Variants in CLUAP1 observed in about 807,000 individuals in gnomAD.
The protein encoded by CLUAP1 is clusterin-associated protein 1.
In CLUAP1, 50 loss-of-function variants were observed where a neutral mutation model predicts 55.0. The observed-to-expected ratio is 0.91, with a 90% confidence interval of 0.72 to 1.15. The LOEUF (loss-of-function observed/expected upper bound fraction) is 1.15. Among genes scored for constraint, CLUAP1 ranks in the 50% most tolerant of loss-of-function variants. The pLI is 0.00. For synonymous variants in CLUAP1, 195 were observed against 175.4 expected, an observed-to-expected ratio of 1.11 and a Z score of -0.88; for missense variants, 530 against 507.6, an observed-to-expected ratio of 1.04 and a Z score of -0.42.
upstream of CLUAP1, among the ~76,000 whole-genome samples, chr16:3,498,549 C>G (rs1051544629): frequency 6.6e-6 from 1 of 152,128 alleles, no homozygotes; most frequent in South Asian, 2.1e-4. Flanking sequence ...TGGCTCACAC[C>G]TGTAATCCCA....
At chr16:3,501,547 C>A (rs975289413) in intron 1 of CLUAP1, among the ~76,000 whole-genome samples, 1 of 152,154 alleles carries the variant, frequency 6.6e-6, no homozygotes, top group African/African-American at 2.4e-5. Context: ...CTTTGGGAGG[C>A]CGAGGCGGGC....
chr16:3,497,886 G>A (rs908041733), upstream of CLUAP1, among the ~76,000 whole-genome samples: 1 of 151,954 alleles, frequency 6.6e-6, no homozygotes, highest in Non-Finnish European at 1.5e-5. Context: ...TGAACTCCTG[G>A]GCTCAAGTGA....
chr16:3,501,358 T>A (rs1029515594), intron 1 of CLUAP1, among the ~76,000 whole-genome samples: 1 of 152,244 alleles, frequency 6.6e-6, no homozygotes, highest in Non-Finnish European at 1.5e-5. Context: ...CTAGTGCAGA[T>A]GAATAACTGA....
chr16:3,533,343 T>G, intron 11 of CLUAP1: 1 of 584,404 alleles, frequency 1.7e-6, no homozygotes, highest in South Asian at 2.1e-5. Context: ...GCACGGAGCC[T>G]GGAGGCGGGG....
At position 3,501,058 on chromosome 16, in the gene CLUAP1, C is replaced by T. The variant is rs749512422; in HGVS notation, c.-10C>T. 8.8e-6 allele frequency: 14 copies of T among 1,599,718 alleles called. No homozygotes were observed. Among genetic ancestry groups the T allele is most frequent in the African/African-American group, 4.0e-5 (3 of 74,732 alleles). ...AGTTGCGACCCTGGGCTCCTGGGGA[C>T]CTGAGCGTTATGTCTTTCCGCGACC... On this transcript the variant is annotated 5_prime_UTR_variant, in exon 1 of 12. Coordinates refer to ENST00000576634, the MANE Select transcript of CLUAP1 (RefSeq NM_015041.3).
intron 10 of CLUAP1, 133 bp downstream of exon 10, chr16:3,530,808 T>C: frequency 1.6e-6 from 1 of 644,016 alleles, no homozygotes; most frequent in Admixed American, 2.7e-5. Flanking sequence ...CAGCTCTTGC[T>C]CAGGTTTATC....
chr16:3,527,046 C>T (rs1253933605), intron 9 of CLUAP1, among the ~76,000 whole-genome samples: 1 of 152,144 alleles, frequency 6.6e-6, no homozygotes. Flanking sequence ...AGGGTTACGT[C>T]CATGCAAAGC....
At chr16:3,499,079 A>T (rs1285428138), upstream of CLUAP1, among the ~76,000 whole-genome samples, 1 of 152,290 alleles carries the variant, frequency 6.6e-6, no homozygotes, top group East Asian at 1.9e-4. Flanking sequence ...AAATATACAA[A>T]TGGTCATCAA....
intron 4 of CLUAP1, among the ~76,000 whole-genome samples, chr16:3,510,593 G>T (rs534974066): frequency 6.4e-4 from 97 of 152,348 alleles, no homozygotes; most frequent in African/African-American, 2.2e-3. Flanking sequence ...GGCAGAGCTT[G>T]CAGAGCTCAT....
At chr16:3,510,298 ATTT>A (rs562528367) in intron 4 of CLUAP1, among the ~76,000 whole-genome samples, 4 of 129,612 alleles carry the variant, frequency 3.1e-5, no homozygotes, top group Non-Finnish European at 1.7e-5. Context: ...CCGGCTTTGT[ATTT>A]TTTTTTTTTT....
intron 8 of CLUAP1, among the ~76,000 whole-genome samples, chr16:3,525,273 GTAT>G (rs998502148): frequency 6.6e-6 from 1 of 152,120 alleles, no homozygotes; most frequent in Non-Finnish European, 1.5e-5. Flanking sequence ...CCATTTTTTT[GTAT>G]TATCTGGGGC....
rs752182629 is a variant in CLUAP1 at position 3,536,218 on chromosome 16, A to G, written c.1189A>G (p.Asn397Asp). The G allele has an allele frequency of 1.2e-6, 2 of 1,614,168 alleles. No individual in the cohort carries two copies. The highest frequency in any genetic ancestry group is 4.5e-5 in the East Asian group (2 of 44,884). The change falls in exon 12 of 12, where the codon AAT (asparagine) becomes GAT (aspartate). Residue 397 changes from asparagine to aspartate, a missense_variant. By Grantham distance (23) the Asn-to-Asp change is conservative. Transcript: ENST00000576634. ...CATTTCTCTCTCACCAACCAAGCCCAATCGAAGGGTCCGGAAATCTGAACC... is the reference window on the plus strand; with the variant it reads ...CATTTCTCTCTCACCAACCAAGCCCGATCGAAGGGTCCGGAAATCTGAACC... The part of the protein sequence containing the change: ...ESISLSPTKP[N>D]RRVRKSEPLD...
At chr16:3,518,709 G>T (rs1317272060) in intron 6 of CLUAP1, among the ~76,000 whole-genome samples, 5 of 152,202 alleles carry the variant, frequency 3.3e-5, no homozygotes, top group Non-Finnish European at 5.9e-5. Context: ...TCGATGATAA[G>T]GGTCTGATTA....
intron 11 of CLUAP1, chr16:3,533,238 A>T (rs1273135459): frequency 5.5e-6 from 6 of 1,082,812 alleles, no homozygotes; most frequent in Non-Finnish European, 8.1e-6. Flanking sequence ...CCTAGGAGTG[A>T]TGCTTCCTCT....
upstream of CLUAP1, among the ~76,000 whole-genome samples, chr16:3,499,678 C>G (rs2151035830): frequency 6.6e-6 from 1 of 152,350 alleles, no homozygotes; most frequent in Middle Eastern, 3.4e-3. Flanking sequence ...GGATACACGT[C>G]TCTTTATCAG....
chr16:3,527,693 T>C (rs1356367676), intron 9 of CLUAP1, among the ~76,000 whole-genome samples: 1 of 152,146 alleles, frequency 6.6e-6, no homozygotes, highest in African/African-American at 2.4e-5. Context: ...TCTGCCTTCA[T>C]GTTCTGTCCT....
At chr16:3,505,510 G>T (rs552617988) in intron 2 of CLUAP1, among the ~76,000 whole-genome samples, 1 of 145,060 alleles carries the variant, frequency 6.9e-6, no homozygotes, top group Admixed American at 7.1e-5. Context: ...TAGCGCCACT[G>T]CAGTTCAGCC....
intron 9 of CLUAP1, among the ~76,000 whole-genome samples, chr16:3,529,189 T>C (rs2038007211): frequency 6.6e-6 from 1 of 151,440 alleles, no homozygotes; most frequent in African/African-American, 2.4e-5. Flanking sequence ...CCTAACATAA[T>C]GCCTATACAT....
chr16:3,536,211 C>A lies in CLUAP1; in HGVS notation c.1182C>A (p.Thr394=). ...ACGAGAGCATTTCTCTCTCACCAAC[C>A]AAGCCCAATCGAAGGGTCCGGAAAT... ...LEDESISLSP[T]KPNRRVRKSE... The change falls in exon 12 of 12, where the codon ACC becomes ACA. Residue 394 remains threonine (T), a synonymous_variant. Transcript: ENST00000576634. The A allele has an allele frequency of 6.2e-7, 1 of 1,614,134 alleles. No homozygotes were observed. Among genetic ancestry groups the A allele is most frequent in the East Asian group, 2.2e-5 (1 of 44,882 alleles).
Sources: gnomAD v4.1 joint callset for allele counts (sites outside exome capture counted in the v4.1 genomes callset) on GRCh38, gnomAD v4.1.1 for gene constraint, MANE v1.5 for transcripts, NCBI Gene and HGNC (gene_info 2026-07-23, HGNC 2026-07-21) for gene names.